The following PTPRD variants were observed in gnomAD, a reference collection of about 807,000 sequenced individuals.
The protein encoded by PTPRD is receptor-type tyrosine-protein phosphatase delta.
PTPRD carries 34 observed loss-of-function variants against 214.5 expected under a neutral mutation model. That is an observed-to-expected ratio of 0.16 (90% CI 0.12 to 0.21). PTPRD has a LOEUF of 0.21. PTPRD is among the 10% of genes least tolerant of loss of function. The probability of loss-of-function intolerance (pLI) is 1.00; values close to 1 mark genes in which losing one functional copy is unlikely to be tolerated. For synonymous variants in PTPRD, 1,128 were observed against 845.7 expected (o/e 1.33, Z -5.79); for missense variants, 2,545 against 2,398.7 (o/e 1.06, Z -1.27).
At chr9:9,127,820 T>C (rs778067343) in intron 10 of PTPRD, among the ~76,000 whole-genome samples, 3 of 151,586 alleles carry the variant, frequency 2.0e-5, no homozygotes, top group Non-Finnish European at 4.4e-5. Flanking sequence ...AAAAAAGAGG[T>C]GATGCCTACA....
chr9:9,850,108 C>G (rs897211624), intron 5 of PTPRD, among the ~76,000 whole-genome samples: 1 of 152,096 alleles, frequency 6.6e-6, no homozygotes, highest in African/African-American at 2.4e-5. Context: ...GATCCACCAC[C>G]CAAATCACTT....
chr9:9,873,413 A>C (rs1280168411), intron 5 of PTPRD, among the ~76,000 whole-genome samples: 1 of 152,142 alleles, frequency 6.6e-6, no homozygotes, highest in African/African-American at 2.4e-5. Flanking sequence ...ATTTACAAAA[A>C]AAAATAATTA....
At chr9:10,490,701 A>G (rs764669397) in intron 2 of PTPRD, among the ~76,000 whole-genome samples, 3 of 151,908 alleles carry the variant, frequency 2.0e-5, no homozygotes, top group Non-Finnish European at 4.4e-5. Flanking sequence ...CATATTTCAC[A>G]CTCTAGTTTT....
chr9:8,470,963 A>G (rs2096642401), intron 31 of PTPRD, 32 bp downstream of exon 31: 1 of 1,578,214 alleles, frequency 6.3e-7, no homozygotes, highest in South Asian at 1.1e-5. Context: ...TAAATAACGA[A>G]TAAAAGACAT....
intron 2 of PTPRD, among the ~76,000 whole-genome samples, chr9:10,553,360 T>TA (rs199561640): frequency 2.7e-5 from 4 of 150,612 alleles, no homozygotes; most frequent in African/African-American, 4.9e-5. Flanking sequence ...TTTTTTTTTT[T>TA]ACTTAAAGAT....
At chr9:8,882,217 C>T (rs1340629054) in intron 11 of PTPRD, among the ~76,000 whole-genome samples, 1 of 152,092 alleles carries the variant, frequency 6.6e-6, no homozygotes, top group African/African-American at 2.4e-5. Flanking sequence ...GAGTGGTGTT[C>T]CTTTCATTTC....
intron 21 of PTPRD, among the ~76,000 whole-genome samples, chr9:8,508,280 T>C (rs1427215549): frequency 1.3e-5 from 2 of 152,222 alleles, no homozygotes; most frequent in Non-Finnish European, 2.9e-5. Flanking sequence ...TCTATTCAGT[T>C]TAAAACACCT....
intron 7 of PTPRD, among the ~76,000 whole-genome samples, chr9:9,576,364 TA>T (rs573982649): frequency 1.2e-4 from 19 of 152,290 alleles, no homozygotes; most frequent in African/African-American, 4.6e-4. Flanking sequence ...CACGGAGGTG[TA>T]AAGGAGTACA....
intron 9 of PTPRD, among the ~76,000 whole-genome samples, chr9:9,277,911 A>C (rs1354241844): frequency 6.6e-6 from 1 of 151,426 alleles, no homozygotes; most frequent in Admixed American, 6.6e-5. Context: ...CATTCCTTCC[A>C]AACCTGAGCC....
chr9:8,322,092 C>A (rs918629104), intron 44 of PTPRD, among the ~76,000 whole-genome samples: 3 of 152,110 alleles, frequency 2.0e-5, no homozygotes, highest in Non-Finnish European at 2.9e-5. Context: ...AGACAACAAA[C>A]ACTTAATTGA....
chr9:8,334,197 T>G (rs1844371459), intron 43 of PTPRD, among the ~76,000 whole-genome samples: 1 of 152,122 alleles, frequency 6.6e-6, no homozygotes, highest in Non-Finnish European at 1.5e-5. Flanking sequence ...AATAGACATC[T>G]ACAGAACTCT....
At chr9:9,461,012 G>A (rs1030953372) in intron 8 of PTPRD, among the ~76,000 whole-genome samples, 6 of 151,988 alleles carry the variant, frequency 3.9e-5, no homozygotes, top group African/African-American at 1.2e-4. Context: ...ATAAAATTAT[G>A]TCCTTGGTAG....
At chr9:10,394,083 G>A (rs2098123452) in intron 2 of PTPRD, among the ~76,000 whole-genome samples, 1 of 140,558 alleles carries the variant, frequency 7.1e-6, no homozygotes, top group African/African-American at 2.6e-5. Context: ...TATAGAGAGA[G>A]AAACATATCT....
At chr9:10,524,027 T>A (rs550092978) in intron 2 of PTPRD, among the ~76,000 whole-genome samples, 2 of 152,046 alleles carry the variant, frequency 1.3e-5, no homozygotes, top group East Asian at 3.9e-4. Context: ...CTAAGGGTGG[T>A]TCTCTGGCTT....
chr9:8,822,277 A>C (rs1220230075), intron 11 of PTPRD, among the ~76,000 whole-genome samples: 1 of 152,194 alleles, frequency 6.6e-6, no homozygotes, highest in East Asian at 1.9e-4. Flanking sequence ...ATCCATGCCC[A>C]GGTAATGTCT....
intron 5 of PTPRD, among the ~76,000 whole-genome samples, chr9:9,783,434 T>C (rs959964675): frequency 8.5e-5 from 13 of 152,142 alleles, no homozygotes; most frequent in African/African-American, 3.1e-4. Context: ...CAAGTAATCC[T>C]TTATATGCTG....
intron 3 of PTPRD, among the ~76,000 whole-genome samples, chr9:10,327,160 T>A (rs1597199117): frequency 1.1e-5 from 1 of 92,750 alleles, no homozygotes; most frequent in East Asian, 2.7e-4. Context: ...TTTGTGCACA[T>A]ATATGTGTGT....
intron 36 of PTPRD, among the ~76,000 whole-genome samples, chr9:8,393,733 C>A (rs527755022): frequency 6.6e-6 from 1 of 152,108 alleles, no homozygotes; most frequent in East Asian, 1.9e-4. Flanking sequence ...TAGTTGTAAC[C>A]CCATAAATAA....
intron 3 of PTPRD, among the ~76,000 whole-genome samples, chr9:10,090,744 A>T (rs72694837): frequency 1.4e-5 from 2 of 145,618 alleles, no homozygotes; most frequent in African/African-American, 5.1e-5. Context: ...ACTTATTTAC[A>T]TGTTAACTCA....
Sources: gnomAD v4.1 joint callset for allele counts (sites outside exome capture counted in the v4.1 genomes callset) on GRCh38, gnomAD v4.1.1 for gene constraint, MANE v1.5 for transcripts, NCBI Gene and HGNC (gene_info 2026-07-23, HGNC 2026-07-21) for gene names.